CSMD1: variants seen among roughly 807,000 people sequenced by gnomAD.
The protein encoded by CSMD1 is CUB and sushi domain-containing protein 1.
In CSMD1, 213 loss-of-function variants were observed where a neutral mutation model predicts 417.5. The observed-to-expected ratio is 0.51, with a 90% CI of 0.46 to 0.57. CSMD1 has a LOEUF of 0.57. Among genes scored for constraint, CSMD1 ranks in the 20% least tolerant of loss-of-function variants. The pLI is 0.00. For synonymous variants in CSMD1, 2,862 were observed against 1,736.8 expected (o/e 1.65, Z -16.11); for missense variants, 6,923 against 4,529.7 (o/e 1.53, Z -15.17).
At chr8:3,117,540 AG>A (rs1816942816) in intron 42 of CSMD1, among the ~76,000 whole-genome samples, 1 of 152,160 alleles carries the variant, frequency 6.6e-6, no homozygotes, top group Admixed American at 6.6e-5. Context: ...TTTCATTCAA[AG>A]GTCCTGTATG....
intron 3 of CSMD1, among the ~76,000 whole-genome samples, chr8:4,150,225 G>T (rs376778980): frequency 6.6e-6 from 1 of 152,116 alleles, no homozygotes; most frequent in African/African-American, 2.4e-5. Flanking sequence ...GGAAAACAGG[G>T]CCATTTTTCC....
intron 2 of CSMD1, among the ~76,000 whole-genome samples, chr8:4,424,283 G>A (rs900800187): frequency 2.0e-5 from 3 of 151,972 alleles, no homozygotes; most frequent in African/African-American, 7.2e-5. Context: ...ACATTCGCAA[G>A]CCAAATATCT....
intron 10 of CSMD1, among the ~76,000 whole-genome samples, chr8:3,499,930 T>C (rs1306430193): frequency 6.6e-6 from 1 of 152,014 alleles, no homozygotes; most frequent in South Asian, 2.1e-4. Flanking sequence ...GTGAGTTCTC[T>C]CCCCGGAGCA....
chr8:3,431,785 C>T (rs1376145454), intron 12 of CSMD1, among the ~76,000 whole-genome samples: 5 of 152,166 alleles, frequency 3.3e-5, no homozygotes, highest in Non-Finnish European at 4.4e-5. Context: ...AAATTTGCTC[C>T]TATTTATTCA....
chr8:4,958,068 C>G (rs542134119), intron 1 of CSMD1, among the ~76,000 whole-genome samples: 1 of 152,156 alleles, frequency 6.6e-6, no homozygotes, highest in Non-Finnish European at 1.5e-5. Context: ...GAGGGAGCTT[C>G]ATGTATTTGA....
chr8:4,305,531 A>C (rs1319602393), intron 3 of CSMD1, among the ~76,000 whole-genome samples: 3 of 152,210 alleles, frequency 2.0e-5, no homozygotes, highest in Non-Finnish European at 2.9e-5. Context: ...TCACAGAACA[A>C]CTTCCCAGTA....
intron 49 of CSMD1, among the ~76,000 whole-genome samples, chr8:3,067,543 T>C (rs1036456641): frequency 2.0e-5 from 3 of 151,742 alleles, no homozygotes; most frequent in African/African-American, 7.3e-5. Context: ...CCAGTACTCC[T>C]GATCTAAAGT....
chr8:4,316,435 G>A (rs1369193445), intron 3 of CSMD1, among the ~76,000 whole-genome samples: 1 of 152,136 alleles, frequency 6.6e-6, no homozygotes, highest in African/African-American at 2.4e-5. Flanking sequence ...AGGTTGATGT[G>A]AAATAACTGT....
chr8:3,986,139 C>T (rs55999441), intron 5 of CSMD1, among the ~76,000 whole-genome samples: 39,205 of 151,702 alleles, frequency 0.26, 5,114 homozygotes, highest in East Asian at 0.38. Context: ...TCTCAAGTGA[C>T]TTGAAGGCAT....
chr8:3,120,865 T>A (rs1817164916), intron 41 of CSMD1, among the ~76,000 whole-genome samples: 1 of 152,010 alleles, frequency 6.6e-6, no homozygotes, highest in Non-Finnish European at 1.5e-5. Context: ...AATAACAATA[T>A]GCAATGCTAG....
chr8:3,321,343 T>C (rs1236577098), intron 23 of CSMD1, among the ~76,000 whole-genome samples: 2 of 152,144 alleles, frequency 1.3e-5, no homozygotes, highest in Admixed American at 1.3e-4. Context: ...CTTTGTGCCG[T>C]AGTATTGTCC....
chr8:4,370,494 G>A (rs977327308), intron 3 of CSMD1, among the ~76,000 whole-genome samples: 12 of 152,142 alleles, frequency 7.9e-5, no homozygotes, highest in Admixed American at 3.9e-4. Flanking sequence ...GTCCTAATGG[G>A]ACTGGAAGGA....
At chr8:4,870,349 GCACTGCTATTTATTT>G (rs1802664438) in intron 1 of CSMD1, among the ~76,000 whole-genome samples, 1 of 152,056 alleles carries the variant, frequency 6.6e-6, no homozygotes, top group South Asian at 2.1e-4. Flanking sequence ...ATATTTTTAT[GCACTGCTATTTATTT>G]CACCTAACAA....
intron 3 of CSMD1, among the ~76,000 whole-genome samples, chr8:4,118,786 T>A (rs530307094): frequency 9.8e-5 from 15 of 152,328 alleles, no homozygotes; most frequent in African/African-American, 3.6e-4. Context: ...TAAAGACACA[T>A]GCACATGTAT....
At chr8:3,847,016 C>T (rs977550717) in intron 5 of CSMD1, among the ~76,000 whole-genome samples, 2 of 152,116 alleles carry the variant, frequency 1.3e-5, no homozygotes, top group African/African-American at 4.8e-5. Context: ...AGATCCACAG[C>T]AGATCAGATG....
chr8:3,568,511 A>T (rs1163687271), intron 10 of CSMD1, among the ~76,000 whole-genome samples: 1 of 152,236 alleles, frequency 6.6e-6, no homozygotes, highest in Non-Finnish European at 1.5e-5. Flanking sequence ...TTTAATAGCA[A>T]CAAAAGTATT....
At chr8:4,163,150 T>C (rs1797265112) in intron 3 of CSMD1, among the ~76,000 whole-genome samples, 1 of 152,224 alleles carries the variant, frequency 6.6e-6, no homozygotes, top group Non-Finnish European at 1.5e-5. Context: ...TACACTTTGG[T>C]TGCTTCCAGA....
At position 3,531,442 on chromosome 8, in the gene CSMD1, A is replaced by G. The variant is rs1450017105; in HGVS notation, c.1345-37716T>C. ...CATTATTCTATATGTGATAAACATC[A>G]CCCCTCAAAAAATCAAATATAAAAG... On this transcript the variant is annotated intron_variant, in intron 10 of 69. Coordinates refer to ENST00000635120, the MANE Select transcript of CSMD1 (RefSeq NM_033225.6). Among the ~76,000 whole-genome samples, 4 of 152,162 alleles carry G rather than the reference A, an allele frequency of 2.6e-5. 1 individual carries two copies. The highest frequency in any genetic ancestry group is 9.6e-5 in the African/African-American group (4 of 41,452).
At chr8:4,262,798 A>G (rs1479962423) in intron 3 of CSMD1, among the ~76,000 whole-genome samples, 1 of 152,222 alleles carries the variant, frequency 6.6e-6, no homozygotes, top group African/African-American at 2.4e-5. Flanking sequence ...ATGTTCCACC[A>G]GATACCCAGA....
Sources: gnomAD v4.1 joint callset for allele counts (sites outside exome capture counted in the v4.1 genomes callset) on GRCh38, gnomAD v4.1.1 for gene constraint, MANE v1.5 for transcripts, NCBI Gene and HGNC (gene_info 2026-07-23, HGNC 2026-07-21) for gene names.